Variants in HIPK2 observed in about 807,000 individuals in gnomAD.
The protein encoded by HIPK2 is homeodomain interacting protein kinase 2, also known as homeodomain-interacting protein kinase 2.
Under a neutral mutation model 113.7 loss-of-function variants are expected in HIPK2, and 27 were observed. The ratio of observed to expected loss-of-function variants is 0.24; its 90% CI spans 0.17 to 0.33. The LOEUF (loss-of-function observed/expected upper bound fraction) is 0.33. Among genes scored for constraint, HIPK2 ranks in the 10% least tolerant of loss-of-function variants. HIPK2 has a pLI of 1.00. For synonymous variants in HIPK2, 631 were observed against 642.2 expected, an observed-to-expected ratio of 0.98 and a Z score of 0.26; for missense variants, 1,257 against 1,588.0, an observed-to-expected ratio of 0.79 and a Z score of 3.54.
intron 2 of HIPK2, among the ~76,000 whole-genome samples, chr7:139,636,509 T>A (rs903410355): frequency 1.3e-5 from 2 of 152,072 alleles, no homozygotes. Context: ...CCTAATCCAA[T>A]GTGACTTGCA....
chr7:139,704,480 C>T (rs1794831401), intron 2 of HIPK2, among the ~76,000 whole-genome samples: 1 of 150,260 alleles, frequency 6.7e-6, no homozygotes, highest in African/African-American at 2.5e-5. Context: ...CCAACACATG[C>T]TACATGTGCC....
At chr7:139,693,000 G>T (rs573323756) in intron 2 of HIPK2, among the ~76,000 whole-genome samples, 1 of 152,192 alleles carries the variant, frequency 6.6e-6, no homozygotes, top group African/African-American at 2.4e-5. Flanking sequence ...CACGACATTA[G>T]AACAGGAGAG....
At chr7:139,605,742 C>G (rs1467739712) in intron 9 of HIPK2, among the ~76,000 whole-genome samples, 1 of 152,128 alleles carries the variant, frequency 6.6e-6, no homozygotes, top group Non-Finnish European at 1.5e-5. Context: ...AGCTCAGGGA[C>G]CATGCGCATA....
intron 2 of HIPK2, among the ~76,000 whole-genome samples, chr7:139,704,047 A>C (rs1794802521): frequency 9.9e-5 from 1 of 10,100 alleles, no homozygotes; most frequent in Non-Finnish European, 6.7e-4. Context: ...CAACATACAC[A>C]CCCAACACAC....
intron 1 of HIPK2, among the ~76,000 whole-genome samples, chr7:139,718,023 C>T (rs1048434281): frequency 5.3e-5 from 8 of 152,190 alleles, no homozygotes; most frequent in African/African-American, 1.7e-4. Flanking sequence ...GGATTACAGA[C>T]GTGAGCCACC....
Position 139,571,753 on chromosome 7 carries a change from C to G in HIPK2, c.*1174G>C, listed in dbSNP as rs994374662. The G allele has an allele frequency of 3.0e-4, 46 of 152,182 alleles. No homozygotes were observed. The highest frequency in any genetic ancestry group is 1.0e-3 in the African/African-American group (43 of 41,428). 9.4% of individuals were successfully genotyped at this position (152,182 alleles called of 1,614,324 possible). A position where few individuals can be genotyped will look rare whatever the true frequency, so the allele number is the denominator to read the frequency against. ...GACTAGCCTCAGTTTCTTGGAGTAC[C>G]AGTGGAAGTAAACCCTCACGCCGCG... On this transcript the variant is annotated 3_prime_UTR_variant, in exon 15 of 15. Transcript: ENST00000406875.
At chr7:139,750,821 T>C (rs987960225) in intron 1 of HIPK2, among the ~76,000 whole-genome samples, 1 of 152,230 alleles carries the variant, frequency 6.6e-6, no homozygotes, top group South Asian at 2.1e-4. Flanking sequence ...CAAAATTTAG[T>C]TGAAAAGAAC....
In HIPK2 at chr7:139,613,307, G is replaced by T. The variant is rs1484896680; in HGVS notation, c.2007C>A (p.Pro669=). The T allele has an allele frequency of 6.2e-7, 1 of 1,613,586 alleles. No individual in the cohort carries two copies. The highest frequency in any genetic ancestry group is 1.7e-5 in the Admixed American group (1 of 59,988). ...PPGFQGLQAS[P]SKHAGYSVRM... ...GCACCGAGTAGCCAGCGTGCTTAGA[G>T]GGAGAGGCCTGCAAGCCTGTTCCAG... Residue 669 remains proline, a synonymous_variant, in exon 9 of 15, where the codon CCC becomes CCA. Coordinates refer to ENST00000406875, the MANE Select transcript of HIPK2 (RefSeq NM_022740.5). This position sits in a 1 kb window ranked among gnomAD's most constrained non-coding sequence, Gnocchi z 4.2.
intron 2 of HIPK2, among the ~76,000 whole-genome samples, chr7:139,641,100 C>T (rs1333640949): frequency 6.6e-6 from 1 of 152,196 alleles, no homozygotes; most frequent in Admixed American, 6.5e-5. Context: ...TGCAGTGGCT[C>T]ACGCCTGTAA....
intron 2 of HIPK2, among the ~76,000 whole-genome samples, chr7:139,689,818 A>G (rs1365186217): frequency 3.9e-5 from 6 of 152,152 alleles, no homozygotes; most frequent in Non-Finnish European, 7.4e-5. Context: ...CCAAAATGAG[A>G]AAAAGAGGAC....
Position 139,583,783 on chromosome 7 carries a change from G to A in HIPK2, c.2965+34C>T, listed in dbSNP as rs1039734351. ...AAAAGCAGGAAAACCACTCTCCAGGGAGAGGTTCCTGCCCTGTCCTGGCCC... is the reference window on the plus strand; with the variant it reads ...AAAAGCAGGAAAACCACTCTCCAGGAAGAGGTTCCTGCCCTGTCCTGGCCC... On this transcript the variant is annotated intron_variant, in intron 13 of 14. Coordinates refer to ENST00000406875, the MANE Select transcript of HIPK2 (RefSeq NM_022740.5). The A allele has an allele frequency of 4.4e-6, 7 of 1,596,574 alleles. No homozygotes were observed. In the African/African-American group the frequency reaches 8.0e-5, roughly 18 times the overall value.
intron 1 of HIPK2, among the ~76,000 whole-genome samples, chr7:139,757,207 A>C (rs138959517): frequency 6.6e-6 from 1 of 152,208 alleles, no homozygotes; most frequent in Non-Finnish European, 1.5e-5. Context: ...CACAAACCAC[A>C]TATCAGTCAA....
intron 8 of HIPK2, 98 bp downstream of exon 8, chr7:139,614,188 T>C: frequency 8.8e-7 from 1 of 1,133,226 alleles, no homozygotes; most frequent in Middle Eastern, 3.3e-4. Context: ...GGAGGGCCTT[T>C]CTCCATGAAA....
At chr7:139,636,733 C>G (rs1367332039) in intron 2 of HIPK2, among the ~76,000 whole-genome samples, 1 of 152,102 alleles carries the variant, frequency 6.6e-6, no homozygotes, top group African/African-American at 2.4e-5. Context: ...TTGTTTTAAG[C>G]CAGATATTTT....
intron 1 of HIPK2, among the ~76,000 whole-genome samples, chr7:139,758,057 A>G (rs772786109): frequency 6.6e-6 from 1 of 152,220 alleles, no homozygotes; most frequent in Non-Finnish European, 1.5e-5. Flanking sequence ...TCAACCTTGT[A>G]AAGATGTTAA....
At chr7:139,761,141 T>G (rs1421902711) in intron 1 of HIPK2, among the ~76,000 whole-genome samples, 1 of 152,238 alleles carries the variant, frequency 6.6e-6, no homozygotes, top group East Asian at 1.9e-4. Context: ...GCACAGATCC[T>G]GCCTTTCCAG....
At chr7:139,719,522 T>A (rs530491730) in intron 1 of HIPK2, among the ~76,000 whole-genome samples, 45 of 152,312 alleles carry the variant, frequency 3.0e-4, no homozygotes, top group Non-Finnish European at 6.3e-4. Context: ...CACATGTTTA[T>A]CACAGGCTGG....
intron 7 of HIPK2, among the ~76,000 whole-genome samples, chr7:139,614,782 T>C (rs1416185961): frequency 6.6e-6 from 1 of 152,220 alleles, no homozygotes; most frequent in East Asian, 1.9e-4. Flanking sequence ...CCTGCTACCA[T>C]GTCTAAATGC....
chr7:139,774,440 A>G (rs1254406034), intron 1 of HIPK2, among the ~76,000 whole-genome samples: 2 of 152,268 alleles, frequency 1.3e-5, no homozygotes, highest in Admixed American at 1.3e-4. Flanking sequence ...AAGAAAAGCA[A>G]CATTTATACT....
Sources: allele counts gnomAD v4.1 joint callset (sites outside exome capture counted in the v4.1 genomes callset), GRCh38; gene constraint gnomAD v4.1.1; non-coding constraint Gnocchi (gnomAD v3.1); transcripts MANE v1.5; gene names NCBI Gene and HGNC (gene_info 2026-07-23, HGNC 2026-07-21).